CIB1: variants seen among roughly 807,000 people sequenced by gnomAD.
CIB1 encodes calcium and integrin-binding protein 1.
In CIB1, 19 loss-of-function variants were observed where a neutral mutation model predicts 25.0. That is an observed-to-expected ratio of 0.76 (90% CI 0.53 to 1.12). CIB1 has a LOEUF of 1.12. CIB1 is among the 50% of genes most tolerant of loss of function. The pLI, the probability that CIB1 is intolerant of heterozygous loss-of-function variation, is 0.00. For synonymous variants in CIB1, 104 were observed against 98.5 expected, an observed-to-expected ratio of 1.06 and a Z score of -0.33; for missense variants, 236 against 242.6, an observed-to-expected ratio of 0.97 and a Z score of 0.18.
chr15:90,255,834 T>C, the CIB1 span: 316 of 1,614,152 alleles, frequency 2.0e-4, no homozygotes, highest in Non-Finnish European at 2.5e-4. Context: ...ATGTACAAAC[T>C]CTATCCCTCT....
chr15:90,250,935 C>T, the CIB1 span: 1 of 1,585,476 alleles, frequency 6.3e-7, no homozygotes, highest in South Asian at 1.1e-5. Flanking sequence ...AGGGAGTCAC[C>T]CATTGGCCTC....
At chr15:90,251,307 G>A in the CIB1 span, among the ~76,000 whole-genome samples, 1 of 83,974 alleles carries the variant, frequency 1.2e-5, no homozygotes, top group African/African-American at 5.2e-5. Context: ...TGTATTTTTA[G>A]TAGAGACAGG....
chr15:90,259,195 C>A, the CIB1 span: 1 of 477,806 alleles, frequency 2.1e-6, no homozygotes, highest in Non-Finnish European at 3.5e-6. Flanking sequence ...GACTCTGTCC[C>A]TAAAACACAA....
chr15:90,249,799 G>T, the CIB1 span: 1 of 152,152 alleles, frequency 6.6e-6, no homozygotes, highest in Non-Finnish European at 1.5e-5. Context: ...AGCTCTCCTC[G>T]TAACCACGGG....
the CIB1 span, chr15:90,265,513 T>G: frequency 7.1e-7 from 1 of 1,399,892 alleles, no homozygotes; most frequent in Non-Finnish European, 9.3e-7. Context: ...GCCCTCACGT[T>G]TCAGGGAAGC....
Position 90,231,093 on chromosome 15 carries a change from A to AC in CIB1, c.465+1dup, listed in dbSNP as rs1567068388. On this transcript the variant is annotated splice_donor_variant, in intron 5 of 6. Transcript: ENST00000328649. LOFTEE classifies it high-confidence loss of function. ...CGCTCCCAGGCCTGCTCAGCTGCTC[A>AC]CGTTGTCGATGAGCTGCTTCATCTC... is the stretch of plus-strand genomic sequence containing the variant. The AC allele has an allele frequency of 6.2e-7, 1 of 1,614,070 alleles. No individual in the cohort carries two copies. Among genetic ancestry groups the AC allele is most frequent in the Admixed American group, 1.7e-5 (1 of 60,022 alleles).
At chr15:90,241,785 CG>C in the CIB1 span, 2 of 1,614,204 alleles carry the variant, frequency 1.2e-6, no homozygotes, top group Non-Finnish European at 1.7e-6. Flanking sequence ...GTTTGTCACC[CG>C]GGGAGCTCCG....
At chr15:90,238,564 G>C (rs1030612172), upstream of CIB1, 2 of 152,130 alleles carry the variant, frequency 1.3e-5, no homozygotes, top group African/African-American at 2.4e-5. Context: ...GCCTCCTTTT[G>C]ACATCCTATC....
At chr15:90,247,303 T>C in the CIB1 span, among the ~76,000 whole-genome samples, 2 of 149,386 alleles carry the variant, frequency 1.3e-5, no homozygotes, top group Non-Finnish European at 3.0e-5. Context: ...TTTTTCTTTT[T>C]TTTTTTTTTT....
chr15:90,233,324 C>T (rs912882278), intron 2 of CIB1, among the ~76,000 whole-genome samples: 10 of 152,262 alleles, frequency 6.6e-5, no homozygotes, highest in Non-Finnish European at 1.5e-4. Context: ...GGAGAAGGAG[C>T]CGGGCTCCCC....
At chr15:90,251,492 T>G in the CIB1 span, 1 of 1,490,420 alleles carries the variant, frequency 6.7e-7, no homozygotes, top group South Asian at 1.1e-5. Flanking sequence ...TGGATGTCTT[T>G]TCATCTGAGT....
chr15:90,256,082 C>A, the CIB1 span: 4 of 1,589,662 alleles, frequency 2.5e-6, no homozygotes, highest in South Asian at 4.6e-5. Context: ...GAGCTCCATG[C>A]GGCCCCGGGA....
the CIB1 span, chr15:90,256,247 C>T: frequency 9.9e-6 from 16 of 1,614,042 alleles, no homozygotes; most frequent in Middle Eastern, 1.6e-4. Context: ...CCGAAATCCC[C>T]GGGAGATCAA....
the CIB1 span, among the ~76,000 whole-genome samples, chr15:90,252,043 C>CTTTTTTTTTTTTTTTTT: frequency 3.0e-5 from 4 of 133,472 alleles, no homozygotes; most frequent in Non-Finnish European, 4.8e-5. Flanking sequence ...TCACCTAATT[C>CTTTTTTTTTTTTTTTTT]TTTTTTTTTT....
At chr15:90,242,980 T>C in the CIB1 span, 1 of 147,284 alleles carries the variant, frequency 6.8e-6, no homozygotes, top group Admixed American at 6.9e-5. Flanking sequence ...GAGTAAGACA[T>C]CATGAATGTA....
rs1962568876 is a variant in CIB1, at chr15:90,233,843, C to T, written c.43G>A (p.Glu15Lys). Reference protein sequence around the residue: ...GSRLSKELLAEYQDLTFLTKQ... With the variant: ...GSRLSKELLAKYQDLTFLTKQ... ...CCAGGCGTCCCGCGCACCTGGTACT[C>T]GGCCAGCAGCTCCTTGGACAGGCGA... is the stretch of plus-strand genomic sequence containing the variant. Residue 15 changes from glutamate to lysine, a missense_variant, in exon 1 of 7, where the codon GAG becomes AAG. Glu to Lys is a moderately conservative substitution (Grantham distance 56, BLOSUM62 1). Transcript: ENST00000328649. The T allele has an allele frequency of 1.3e-6, 2 of 1,536,668 alleles. No individual in the cohort carries two copies. Among genetic ancestry groups the T allele is most frequent in the African/African-American group, 1.4e-5 (1 of 72,710 alleles).
the CIB1 span, chr15:90,242,431 CTTTTTTTTTTTTTT>C: frequency 0.15 from 10,213 of 65,934 alleles, 1,312 homozygotes; most frequent in East Asian, 0.44. Flanking sequence ...TTTTCTGTTT[CTTTTTTTTTTTTTT>C]TTTTTTTTTT....
At chr15:90,240,421 T>G in the CIB1 span, among the ~76,000 whole-genome samples, 1 of 150,744 alleles carries the variant, frequency 6.6e-6, no homozygotes, top group Non-Finnish European at 1.5e-5. Flanking sequence ...GGCATGAGAA[T>G]CACTTGAACC....
chr15:90,262,003 C>A, the CIB1 span: 1 of 1,529,636 alleles, frequency 6.5e-7, no homozygotes. Flanking sequence ...TTGCTTTCCA[C>A]AGGAAAGAAA....
Sources: allele counts gnomAD v4.1 joint callset (sites outside exome capture counted in the v4.1 genomes callset), GRCh38; gene constraint gnomAD v4.1.1; transcripts MANE v1.5; gene names NCBI Gene and HGNC (gene_info 2026-07-23, HGNC 2026-07-21).